Variants in COL26A1 observed in about 807,000 individuals in gnomAD.
COL26A1 encodes the protein collagen type XXVI alpha 1 chain.
In COL26A1, 41 loss-of-function variants were observed where a neutral mutation model predicts 59.3. That is an observed-to-expected ratio of 0.69 (90% CI 0.54 to 0.90). COL26A1 has a LOEUF of 0.90. Ranked by LOEUF, COL26A1 falls within the 40% of genes least tolerant of loss-of-function variation. The pLI is 0.00. For synonymous variants in COL26A1, 266 were observed against 256.0 expected (o/e 1.04, Z -0.37); for missense variants, 612 against 602.3 (o/e 1.02, Z -0.17).
chr7:101,425,420 C>T (rs1227608704), intron 2 of COL26A1, among the ~76,000 whole-genome samples: 1 of 152,164 alleles, frequency 6.6e-6, no homozygotes, highest in African/African-American at 2.4e-5. Flanking sequence ...TTCCCCATAC[C>T]TGGCTTGCAG....
intron 3 of COL26A1, among the ~76,000 whole-genome samples, chr7:101,503,302 GCACTTCTCAAACTGTCC>G (rs1794742219): frequency 3.3e-5 from 5 of 152,252 alleles, no homozygotes; most frequent in South Asian, 4.1e-4. Flanking sequence ...AATATAAACA[GCACTTCTCAAACTGTCC>G]CACGTGCAGG....
Position 101,507,172 on chromosome 7 carries a change from C to T in COL26A1, c.386-25910C>T, listed in dbSNP as rs189907382. Among the ~76,000 whole-genome samples, 650 of 152,302 alleles carry T rather than the reference C, an allele frequency of 4.3e-3. 9 individuals are homozygous for T. The highest frequency in any genetic ancestry group is 0.01 in the Middle Eastern group (3 of 294). ...TCAAGTGATCCGCCTGCCTCGGCCT[C>T]CCAAAGTACTGGGATTACAGATGTG... is the stretch of plus-strand genomic sequence containing the variant. On this transcript the variant is annotated intron_variant, in intron 3 of 12. Transcript: ENST00000313669.
At chr7:101,441,313 A>G (rs978468160) in intron 2 of COL26A1, among the ~76,000 whole-genome samples, 9 of 151,994 alleles carry the variant, frequency 5.9e-5, no homozygotes, top group Admixed American at 5.9e-4. Context: ...AGCTACTATT[A>G]TATTTATATA....
intron 3 of COL26A1, among the ~76,000 whole-genome samples, chr7:101,521,559 G>A (rs1336373312): frequency 6.6e-6 from 1 of 152,112 alleles, no homozygotes; most frequent in African/African-American, 2.4e-5. Flanking sequence ...CTAGATGAGA[G>A]TACAAGACTG....
chr7:101,526,530 A>C (rs558167134), intron 3 of COL26A1, among the ~76,000 whole-genome samples: 25 of 152,298 alleles, frequency 1.6e-4, no homozygotes, highest in Middle Eastern at 3.4e-3. Flanking sequence ...CTTGTGGCTC[A>C]AGTAGACTCC....
chr7:101,550,289 C>CA, intron 9 of COL26A1, among the ~76,000 whole-genome samples: 1 of 151,950 alleles, frequency 6.6e-6, no homozygotes, highest in African/African-American at 2.4e-5. Context: ...AGCAAGACCC[C>CA]ATCTCTATAA....
chr7:101,541,987 C>T (rs1319805922), intron 5 of COL26A1, among the ~76,000 whole-genome samples: 2 of 150,460 alleles, frequency 1.3e-5, no homozygotes, highest in African/African-American at 4.9e-5. Flanking sequence ...TTTTTTTTGA[C>T]ATGGAGTCTC....
intron 3 of COL26A1, among the ~76,000 whole-genome samples, chr7:101,530,316 C>A (rs981354608): frequency 2.3e-4 from 35 of 151,960 alleles, no homozygotes; most frequent in African/African-American, 8.2e-4. Context: ...CACTTGTAAT[C>A]CCAGCACTTT....
At chr7:101,471,055 A>T (rs934604256) in intron 3 of COL26A1, among the ~76,000 whole-genome samples, 2 of 152,086 alleles carry the variant, frequency 1.3e-5, no homozygotes, top group Admixed American at 6.6e-5. Context: ...AAATACATAT[A>T]TTTTATTATA....
At chr7:101,547,050 C>A in intron 7 of COL26A1, 106 bp from the exon 8 acceptor site, 1 of 722,708 alleles carries the variant, frequency 1.4e-6, no homozygotes, top group Non-Finnish European at 2.3e-6. Context: ...GGAGGAGCCC[C>A]CCTGGGCTTC....
intron 1 of COL26A1, among the ~76,000 whole-genome samples, chr7:101,371,342 C>T (rs1422790207): frequency 6.6e-6 from 1 of 152,146 alleles, no homozygotes; most frequent in Non-Finnish European, 1.5e-5. Flanking sequence ...TCTCTGGTTC[C>T]CTACATTCAA....
At chr7:101,510,982 G>T (rs1286552149) in intron 3 of COL26A1, among the ~76,000 whole-genome samples, 2 of 145,430 alleles carry the variant, frequency 1.4e-5, no homozygotes, top group African/African-American at 2.6e-5. Context: ...CTCACTGCAA[G>T]CTCCACCTCC....
At chr7:101,384,248 T>TC (rs1484779023) in intron 1 of COL26A1, among the ~76,000 whole-genome samples, 3 of 150,422 alleles carry the variant, frequency 2.0e-5, no homozygotes, top group Non-Finnish European at 4.4e-5. Flanking sequence ...TTTTTTTTTT[T>TC]TTTTTTAAGA....
intron 3 of COL26A1, among the ~76,000 whole-genome samples, chr7:101,496,913 C>T (rs1483859824): frequency 6.6e-6 from 1 of 150,940 alleles, no homozygotes; most frequent in African/African-American, 2.4e-5. Flanking sequence ...CAGGGTGAGT[C>T]TGTAAAGCGA....
chr7:101,490,620 G>A (rs570072803), intron 3 of COL26A1, among the ~76,000 whole-genome samples: 3 of 152,090 alleles, frequency 2.0e-5, no homozygotes, highest in South Asian at 2.1e-4. Context: ...AGAATCACTC[G>A]AACCCAGGAG....
At chr7:101,398,446 C>G (rs1791909658) in intron 1 of COL26A1, among the ~76,000 whole-genome samples, 1 of 152,140 alleles carries the variant, frequency 6.6e-6, no homozygotes, top group Non-Finnish European at 1.5e-5. Context: ...TCTCGGCAAC[C>G]AAGTCCTCTT....
At chr7:101,401,049 C>T (rs930291329) in intron 1 of COL26A1, among the ~76,000 whole-genome samples, 1 of 152,154 alleles carries the variant, frequency 6.6e-6, no homozygotes, top group African/African-American at 2.4e-5. Context: ...TGTGAGGCTG[C>T]ATTTGGCTGG....
chr7:101,394,585 C>CTTTTTTTTTTTTTTTTTT (rs59966789), intron 1 of COL26A1, among the ~76,000 whole-genome samples: 2 of 122,794 alleles, frequency 1.6e-5, no homozygotes, highest in African/African-American at 3.1e-5. Flanking sequence ...TTTTTCTTTT[C>CTTTTTTTTTTTTTTTTTT]TTTTTTTTTT....
intron 1 of COL26A1, among the ~76,000 whole-genome samples, chr7:101,377,945 A>G (rs28493648): frequency 0.074 from 11,273 of 152,184 alleles, 989 homozygotes; most frequent in African/African-American, 0.21. Flanking sequence ...TTGCTCTGTC[A>G]CCAAGGCTAG....
Sources: allele counts gnomAD v4.1 joint callset (sites outside exome capture counted in the v4.1 genomes callset), GRCh38; gene constraint gnomAD v4.1.1; transcripts MANE v1.5; gene names NCBI Gene and HGNC (gene_info 2026-07-23, HGNC 2026-07-21).